Variants in CNTLN observed in about 807,000 individuals in gnomAD.
The protein encoded by CNTLN is centlein, also known as centlein, centrosomal protein.
In CNTLN, 212 loss-of-function variants were observed where a neutral mutation model predicts 180.0. The observed-to-expected ratio is 1.18, with a 90% confidence interval of 1.05 to 1.32. The LOEUF (loss-of-function observed/expected upper bound fraction) is 1.32, where lower values mean the gene tolerates loss of function less well. CNTLN is among the 40% of genes most tolerant of loss of function. CNTLN has a pLI of 0.00. For synonymous variants in CNTLN, 722 were observed against 563.1 expected, an observed-to-expected ratio of 1.28 and a Z score of -3.99; for missense variants, 2,095 against 1,610.9, an observed-to-expected ratio of 1.30 and a Z score of -5.14.
intron 18 of CNTLN, among the ~76,000 whole-genome samples, chr9:17,448,725 A>G (rs569114211): frequency 6.6e-6 from 1 of 152,268 alleles, no homozygotes; most frequent in African/African-American, 2.4e-5. Context: ...CTTTGAGTGG[A>G]CATTCACTTA....
At chr9:17,312,191 C>G in intron 8 of CNTLN, among the ~76,000 whole-genome samples, 1 of 151,452 alleles carries the variant, frequency 6.6e-6, no homozygotes, top group East Asian at 1.9e-4. Context: ...AGAAATGTTT[C>G]TGATTTTCCT....
chr9:17,296,778 C>T (rs897051309), intron 6 of CNTLN, among the ~76,000 whole-genome samples: 3 of 152,006 alleles, frequency 2.0e-5, no homozygotes, highest in Admixed American at 6.5e-5. Context: ...TGAATTGTTA[C>T]AGGAAAATTG....
intron 2 of CNTLN, among the ~76,000 whole-genome samples, chr9:17,215,622 T>G (rs749622704): frequency 3.1e-4 from 47 of 152,086 alleles, no homozygotes; most frequent in Non-Finnish European, 5.6e-4. Context: ...TCTGCTGCCT[T>G]TTGTTTGGCT....
chr9:17,415,214 G>A (rs548462994), intron 16 of CNTLN, among the ~76,000 whole-genome samples: 1 of 152,182 alleles, frequency 6.6e-6, no homozygotes, highest in African/African-American at 2.4e-5. Context: ...GTATTAGAAT[G>A]CCATGAGGAA....
intron 8 of CNTLN, among the ~76,000 whole-genome samples, chr9:17,318,308 C>T (rs1018670868): frequency 6.6e-6 from 1 of 152,042 alleles, no homozygotes; most frequent in South Asian, 2.1e-4. Context: ...GGATTACAGG[C>T]GTGAGCCACC....
intron 13 of CNTLN, among the ~76,000 whole-genome samples, chr9:17,367,562 A>G (rs1254946717): frequency 6.6e-6 from 1 of 152,154 alleles, no homozygotes; most frequent in East Asian, 1.9e-4. Flanking sequence ...TTGGCAGCAC[A>G]GCTCATGGCT....
intron 24 of CNTLN, among the ~76,000 whole-genome samples, chr9:17,485,570 A>G (rs915951195): frequency 1.3e-5 from 2 of 152,138 alleles, no homozygotes; most frequent in African/African-American, 4.8e-5. Flanking sequence ...GGTGTTAACT[A>G]AGCCTTATTA....
intron 2 of CNTLN, among the ~76,000 whole-genome samples, chr9:17,152,821 T>C (rs562264922): frequency 2.0e-5 from 3 of 152,342 alleles, no homozygotes; most frequent in Admixed American, 6.5e-5. Flanking sequence ...GTCTAAGAAC[T>C]TGTTTTATGA....
chr9:17,148,130 A>G (rs1223044730), intron 2 of CNTLN, among the ~76,000 whole-genome samples: 2 of 152,194 alleles, frequency 1.3e-5, no homozygotes, highest in Non-Finnish European at 2.9e-5. Context: ...CTCACCTTGA[A>G]CAGTTATCAA....
In CNTLN at chr9:17,162,216, G is replaced by A. The variant is rs537115280; in HGVS notation, c.449+18840G>A. 3.9e-5 allele frequency among the ~76,000 whole-genome samples: 6 copies of A among 152,138 alleles called. No homozygotes were observed. The South Asian group carries it at 6.2e-4, about 16-fold the overall frequency. On this transcript the variant is annotated intron_variant, in intron 2 of 25. Coordinates refer to ENST00000380647, the MANE Select transcript of CNTLN (RefSeq NM_017738.4). ...TGCAAGCTCCACCTGCCGTGTTCAC[G>A]CCATTCTCCTGCCTCAGCCTCCTGA...
At chr9:17,306,146 A>ATTTTTTTTTTTTTTTTTTTTTT (rs572150057) in intron 7 of CNTLN, among the ~76,000 whole-genome samples, 1 of 128,006 alleles carries the variant, frequency 7.8e-6, no homozygotes, top group Non-Finnish European at 1.7e-5. Flanking sequence ...TTAGTCGTCT[A>ATTTTTTTTTTTTTTTTTTTTTT]TTTTTTTTTT....
downstream of CNTLN, among the ~76,000 whole-genome samples, chr9:17,504,465 G>C (rs143262842): frequency 6.6e-6 from 1 of 152,098 alleles, no homozygotes; most frequent in Non-Finnish European, 1.5e-5. Context: ...AGAAAATATG[G>C]TAGACTGAGA....
chr9:17,295,556 C>T (rs889336074), intron 6 of CNTLN, among the ~76,000 whole-genome samples: 1 of 152,036 alleles, frequency 6.6e-6, no homozygotes, highest in Non-Finnish European at 1.5e-5. Flanking sequence ...ACCTCAGTTG[C>T]CGGTGCAGGA....
chr9:17,374,471 T>C (rs1331683797), intron 13 of CNTLN, among the ~76,000 whole-genome samples: 1 of 152,130 alleles, frequency 6.6e-6, no homozygotes, highest in African/African-American at 2.4e-5. Context: ...TAACAAATGC[T>C]GGGGAAGATG....
At chr9:17,509,986 A>AC in the CNTLN span, among the ~76,000 whole-genome samples, 3 of 152,148 alleles carry the variant, frequency 2.0e-5, no homozygotes, top group Non-Finnish European at 4.4e-5. Context: ...GATCCTGACT[A>AC]CCAAGGGGAA....
chr9:17,228,067 A>C (rs1035024232), intron 3 of CNTLN, among the ~76,000 whole-genome samples: 3 of 152,046 alleles, frequency 2.0e-5, no homozygotes, highest in Admixed American at 2.0e-4. Context: ...TGTAGATACA[A>C]GTTTAGCGGT....
chr9:17,511,900 A>G, the CNTLN span, among the ~76,000 whole-genome samples: 2 of 152,110 alleles, frequency 1.3e-5, no homozygotes, highest in East Asian at 1.9e-4. Context: ...GGTTTAGGGG[A>G]GGAAGACAGA....
chr9:17,250,439 T>G (rs1826068440), intron 5 of CNTLN, among the ~76,000 whole-genome samples: 1 of 152,070 alleles, frequency 6.6e-6, no homozygotes. Context: ...TCATTTCCTC[T>G]GTTATTGCTT....
intron 8 of CNTLN, among the ~76,000 whole-genome samples, chr9:17,312,364 T>TATATATATATATATA (rs369729227): frequency 6.4e-4 from 13 of 20,182 alleles, no homozygotes; most frequent in African/African-American, 9.1e-4. Context: ...TATATATATA[T>TATATATATATATATA]TATATATATA....
Sources: gnomAD v4.1 joint callset for allele counts (sites outside exome capture counted in the v4.1 genomes callset) on GRCh38, gnomAD v4.1.1 for gene constraint, MANE v1.5 for transcripts, NCBI Gene and HGNC (gene_info 2026-07-23, HGNC 2026-07-21) for gene names.